The following PRH1 variants were observed in gnomAD, a reference collection of about 807,000 sequenced individuals.
PRH1 encodes the protein salivary acidic proline-rich phosphoprotein 1/2.
PRH1 carries 7 observed loss-of-function variants against 7.9 expected under a neutral mutation model. The ratio of observed to expected loss-of-function variants is 0.89; its 90% confidence interval spans 0.50 to 1.67. PRH1 has a LOEUF of 1.67. Among genes scored for constraint, PRH1 ranks in the 40% most tolerant of loss-of-function variants. PRH1 has a pLI of 0.00. For missense variants in PRH1, 109 were observed against 223.6 expected (o/e 0.49, Z 3.27); for synonymous variants, 45 against 80.8 (o/e 0.56, Z 2.38).
intron 2 of PRH1, among the ~76,000 whole-genome samples, chr12:10,893,157 G>T (rs111962305): frequency 1.3e-5 from 2 of 152,194 alleles, no homozygotes; most frequent in African/African-American, 2.4e-5. Flanking sequence ...GTGAGGGACT[G>T]TCATGTGCAT....
In PRH1 at chr12:10,896,031, A is replaced by G. The variant is rs796458798; in HGVS notation, c.-58-11756T>C. 2.1e-4 allele frequency: 32 copies of G among 152,334 alleles called. 1 individual carries two copies. The highest frequency in any genetic ancestry group is 7.7e-4 in the African/African-American group (32 of 41,574). 9.4% of individuals were successfully genotyped at this position (152,334 alleles called of 1,614,324 possible). ...TCTGGAGAGATCCAAGGTGTGTTCT[A>G]AAATTAGATTTCAACTAAATTGTAA... On this transcript the variant is annotated intron_variant, in intron 2 of 3. Transcript: ENST00000539853.
chr12:10,967,550 A>G (rs1472846390), intron 2 of PRH1, among the ~76,000 whole-genome samples: 1 of 152,222 alleles, frequency 6.6e-6, no homozygotes, highest in Non-Finnish European at 1.5e-5. Context: ...TGGGTCACAC[A>G]ATACAATAAA....
intron 2 of PRH1, among the ~76,000 whole-genome samples, chr12:10,944,693 G>A (rs1250488451): frequency 1.3e-5 from 2 of 152,114 alleles, no homozygotes; most frequent in Non-Finnish European, 2.9e-5. Flanking sequence ...TTGGGTGTGG[G>A]TTTATCATAG....
chr12:11,118,180 T>A (rs1159004671), downstream of PRH1, among the ~76,000 whole-genome samples: 1 of 152,100 alleles, frequency 6.6e-6, no homozygotes, highest in Non-Finnish European at 1.5e-5. Flanking sequence ...GGCAAGGGAT[T>A]AATAACCAGA....
At chr12:11,138,192 T>C (rs1380933398) in intron 1 of PRH1, among the ~76,000 whole-genome samples, 1 of 152,204 alleles carries the variant, frequency 6.6e-6, no homozygotes, top group African/African-American at 2.4e-5. Context: ...CTATGCAATA[T>C]ACAGCATATC....
intron 2 of PRH1, among the ~76,000 whole-genome samples, chr12:10,900,106 C>A (rs1949703068): frequency 6.6e-6 from 1 of 152,086 alleles, no homozygotes; most frequent in Non-Finnish European, 1.5e-5. Context: ...ACACACAGAT[C>A]CCAGGGAGGG....
At chr12:11,045,334 A>G (rs1056713162) in intron 1 of PRH1, among the ~76,000 whole-genome samples, 2 of 147,994 alleles carry the variant, frequency 1.4e-5, no homozygotes, top group Non-Finnish European at 3.0e-5. Context: ...AAAAAAAAAT[A>G]GAAAGAATTA....
intron 2 of PRH1, among the ~76,000 whole-genome samples, chr12:10,967,299 C>G (rs1406390390): frequency 6.6e-6 from 1 of 151,854 alleles, no homozygotes; most frequent in African/African-American, 2.4e-5. Context: ...GCAGAGTAAT[C>G]AATAATTTTT....
chr12:10,934,088 A>C (rs2135875348), intron 2 of PRH1, among the ~76,000 whole-genome samples: 1 of 152,324 alleles, frequency 6.6e-6, no homozygotes, highest in Admixed American at 6.5e-5. Context: ...TATAATAAGA[A>C]AATGATTATT....
At chr12:11,126,404 A>C (rs143845228) in intron 1 of PRH1, among the ~76,000 whole-genome samples, 1 of 151,686 alleles carries the variant, frequency 6.6e-6, no homozygotes, top group Admixed American at 6.6e-5. Flanking sequence ...TGTAGTGCAA[A>C]TTTGTTCATT....
intron 2 of PRH1, among the ~76,000 whole-genome samples, chr12:10,919,896 A>T (rs540153513): frequency 1.3e-3 from 170 of 133,908 alleles, no homozygotes; most frequent in African/African-American, 3.9e-3. Context: ...TATTAAAAAA[A>T]TTTTTTTAAT....
At chr12:10,997,518 G>A in intron 1 of PRH1, 1 of 1,613,856 alleles carries the variant, frequency 6.2e-7, no homozygotes, top group South Asian at 1.1e-5. Context: ...CTTTTTAAGT[G>A]ATGAAAAATA....
rs750365866 is a variant in PRH1 at position 11,092,239 on chromosome 12, G to C, written n.124-45051C>G. 10 of 1,270,044 alleles carry C rather than the reference G, an allele frequency of 7.9e-6. No homozygotes were observed. The South Asian group carries it at 1.1e-4, about 13-fold the overall frequency. The allele number at this position is 1,270,044 out of a possible 1,614,324, so 78.7% of individuals were successfully genotyped here. On this transcript the variant is annotated intron_variant and non_coding_transcript_variant, in intron 1 of 4. Coordinates refer to the PRH1 transcript ENST00000541977. ...GTAGAAAAGTTATCATGTCTGAACA[G>C]ACAAAAAAAATTTTTTTAAATGCTG...
chr12:10,992,124 AGAG>A (rs1404219508), intron 1 of PRH1, among the ~76,000 whole-genome samples: 7 of 152,198 alleles, frequency 4.6e-5, no homozygotes, highest in African/African-American at 1.7e-4. Flanking sequence ...GAGCCAGTTC[AGAG>A]AAGCAGAGTT....
intron 1 of PRH1, among the ~76,000 whole-genome samples, chr12:11,076,307 C>T (rs1201220335): frequency 8.1e-6 from 1 of 123,702 alleles, no homozygotes; most frequent in Non-Finnish European, 1.8e-5. Context: ...AATACATTTC[C>T]TATCATCAAT....
rs964708396 is a variant in PRH1, at chr12:10,944,523, C to G, written c.-59+29132G>C. Among the ~76,000 whole-genome samples, 8 of 151,972 alleles carry G rather than the reference C, an allele frequency of 5.3e-5. No individual in the cohort carries two copies. In the East Asian group the frequency reaches 1.5e-3, roughly 29 times the overall value. ...TGTCAACTGCAAACAGTTTGACATA[C>G]TCTATGGTTTTTTGGGCGTCCTTTA... On this transcript the variant is annotated intron_variant, in intron 2 of 3. Transcript: ENST00000539853.
In PRH1 at chr12:10,967,290, CAGAGT is replaced by C. The variant is rs141243025; in HGVS notation, c.-59+6360_-59+6364del. ...AATTTTTTCCTAGGTATATAATGAG[CAGAGT>C]AATCAATAATTTTTATGGTGCACTT... On this transcript the variant is annotated intron_variant, in intron 2 of 3. Transcript: ENST00000539853. Among the ~76,000 whole-genome samples the C allele has an allele frequency of 6.2e-3, 941 of 152,092 alleles. 12 individuals carry two copies. Among genetic ancestry groups the C allele is most frequent in the African/African-American group, 0.022 (912 of 41,458 alleles).
At chr12:11,117,715 A>G (rs956688444), downstream of PRH1, among the ~76,000 whole-genome samples, 1 of 152,202 alleles carries the variant, frequency 6.6e-6, no homozygotes, top group African/African-American at 2.4e-5. Context: ...TGGCATTAAA[A>G]CTGACACATA....
At chr12:11,068,065 A>G (rs1943903162) in intron 1 of PRH1, among the ~76,000 whole-genome samples, 1 of 151,518 alleles carries the variant, frequency 6.6e-6, no homozygotes, top group East Asian at 1.9e-4. Context: ...TTACATATGG[A>G]GCATAATAAA....
Sources: allele counts gnomAD v4.1 joint callset (sites outside exome capture counted in the v4.1 genomes callset), GRCh38; gene constraint gnomAD v4.1.1; transcripts MANE v1.5; gene names NCBI Gene and HGNC (gene_info 2026-07-23, HGNC 2026-07-21).